The following ZNF107 variants were observed in gnomAD, a reference collection of about 807,000 sequenced individuals.
ZNF107 encodes the protein zinc finger protein 107.
A neutral mutation model predicts 12.3 loss-of-function variants in ZNF107; 19 were observed. That is an observed-to-expected ratio of 1.55 (90% CI 1.08 to 2.27). The LOEUF (loss-of-function observed/expected upper bound fraction) is 2.27, where lower values mean the gene tolerates loss of function less well. ZNF107 is among the 30% of genes most tolerant of loss of function. The pLI is 0.00. For missense variants in ZNF107, 958 were observed against 979.9 expected (o/e 0.98, Z 0.30); for synonymous variants, 317 against 330.5 (o/e 0.96, Z 0.44).
At chr7:64,673,082 T>C (rs61441487) in intron 1 of ZNF107, among the ~76,000 whole-genome samples, 7,151 of 152,266 alleles carry the variant, frequency 0.047, 450 homozygotes, top group African/African-American at 0.14. Context: ...CACACTCTGT[T>C]GCCCAGGCTG....
chr7:64,704,493 C>T lies in ZNF107; in HGVS notation c.227-1831C>T, dbSNP rs551752550. On this transcript the variant is annotated intron_variant, in intron 3 of 3. Coordinates refer to ENST00000620827, the MANE Select transcript of ZNF107 (RefSeq NM_001282359.2). Reference sequence around the variant, plus strand: ...TCTCTTGACCTTGTGATCTGCCCGTCTCAGCCTCCCAAAGTGCTGGGACTA... The same window carrying T: ...TCTCTTGACCTTGTGATCTGCCCGTTTCAGCCTCCCAAAGTGCTGGGACTA... Among the ~76,000 whole-genome samples, 12 of 152,212 alleles carry T rather than the reference C, an allele frequency of 7.9e-5. No homozygotes were observed. The South Asian group carries it at 2.5e-3, about 32-fold the overall frequency.
chr7:64,675,346 A>G (rs769881529), intron 1 of ZNF107, among the ~76,000 whole-genome samples: 1 of 152,156 alleles, frequency 6.6e-6, no homozygotes, highest in Non-Finnish European at 1.5e-5. Flanking sequence ...GTATTTGTTC[A>G]GGAATTTATC....
At chr7:64,699,560 G>A (rs953341945) in intron 3 of ZNF107, among the ~76,000 whole-genome samples, 2 of 152,066 alleles carry the variant, frequency 1.3e-5, no homozygotes, top group Non-Finnish European at 1.5e-5. Flanking sequence ...GAGTAGCTAG[G>A]ACTACAGACA....
chr7:64,698,111 TGTGAG>T (rs977145608), intron 3 of ZNF107, among the ~76,000 whole-genome samples: 50 of 152,318 alleles, frequency 3.3e-4, no homozygotes, highest in African/African-American at 1.1e-3. Flanking sequence ...TTCTAATTGG[TGTGAG>T]GTGATTTTGT....
intron 1 of ZNF107, chr7:64,687,298 C>G (rs935237443): frequency 1.9e-5 from 19 of 985,500 alleles, no homozygotes; most frequent in African/African-American, 8.7e-5. Flanking sequence ...TTCCATGTCA[C>G]CATTACAAAT....
chr7:64,672,037 C>T (rs1361465118), intron 1 of ZNF107, among the ~76,000 whole-genome samples: 2 of 151,986 alleles, frequency 1.3e-5, no homozygotes, highest in African/African-American at 4.8e-5. Context: ...CCACCCGCCT[C>T]GGCCTCCCAA....
chr7:64,667,725 G>A (rs1191764046), intron 1 of ZNF107, among the ~76,000 whole-genome samples: 1 of 152,192 alleles, frequency 6.6e-6, no homozygotes, highest in Non-Finnish European at 1.5e-5. Flanking sequence ...TCTCAAGGGA[G>A]CAGGTGGATG....
At chr7:64,695,912 C>T (rs757192764) in intron 3 of ZNF107, among the ~76,000 whole-genome samples, 17 of 151,966 alleles carry the variant, frequency 1.1e-4, no homozygotes, top group Non-Finnish European at 4.4e-5. Context: ...ATAAAATATA[C>T]AGTTTTAAAT....
Position 64,709,215 on chromosome 7 carries a change from G to A in ZNF107, c.*559G>A. Reference sequence around the variant, plus strand: ...CATACTGGAAAGAAACCCTACAAATGTGAAGTCTGTGGCAAAGCTTTTAAC... The same window carrying A: ...CATACTGGAAAGAAACCCTACAAATATGAAGTCTGTGGCAAAGCTTTTAAC... On this transcript the variant is annotated 3_prime_UTR_variant, in exon 4 of 4. Coordinates refer to ENST00000620827, the MANE Select transcript of ZNF107 (RefSeq NM_001282359.2). The A allele has an allele frequency of 7.3e-6, 3 of 409,290 alleles. No individual in the cohort carries two copies. The highest frequency in any genetic ancestry group is 1.5e-5 in the Non-Finnish European group (3 of 204,948). 25.4% of individuals were successfully genotyped at this position (409,290 alleles called of 1,614,324 possible).
intron 1 of ZNF107, among the ~76,000 whole-genome samples, chr7:64,686,115 A>G (rs1405173565): frequency 1.3e-5 from 2 of 152,084 alleles, no homozygotes; most frequent in African/African-American, 4.8e-5. Flanking sequence ...TAGACCTCCT[A>G]ACCGTCGAAA....
chr7:64,686,781 G>C, intron 1 of ZNF107: 1 of 853,562 alleles, frequency 1.2e-6, no homozygotes, highest in Non-Finnish European at 1.4e-6. Flanking sequence ...TTTTCCACCC[G>C]CCACTTTGCC....
intron 3 of ZNF107, among the ~76,000 whole-genome samples, chr7:64,699,838 G>A (rs1790410114): frequency 6.6e-6 from 1 of 152,088 alleles, no homozygotes; most frequent in Admixed American, 6.6e-5. Context: ...GGAGGCCGAG[G>A]CGGGCGGACC....
intron 1 of ZNF107, among the ~76,000 whole-genome samples, chr7:64,677,655 C>A (rs1789471621): frequency 6.6e-6 from 1 of 151,190 alleles, no homozygotes; most frequent in East Asian, 2.0e-4. Context: ...AGATCGAGAC[C>A]ATCCTGGCTA....
chr7:64,683,312 C>T (rs560664372), intron 1 of ZNF107, among the ~76,000 whole-genome samples: 10 of 152,258 alleles, frequency 6.6e-5, no homozygotes, highest in African/African-American at 2.2e-4. Flanking sequence ...TAAGGCTGCT[C>T]TTCTGCCAGC....
At position 64,666,514 on chromosome 7, in the gene ZNF107, C is replaced by A. The variant is rs1789010836; in HGVS notation, c.3+229C>A. Among the ~76,000 whole-genome samples the A allele has an allele frequency of 3.3e-5, 5 of 152,310 alleles. No homozygotes were observed. The South Asian group carries it at 1.0e-3, about 32-fold the overall frequency. ...GGCTGACAGCCGGGACCCTGGGCGT[C>A]CTGTCTCCTCCCTGCTCAGTGACTG... On this transcript the variant is annotated intron_variant, in intron 1 of 3. Transcript: ENST00000620827.
rs1456564688 is a variant in ZNF107, at chr7:64,710,614, A to T, written c.*1958A>T. Reference sequence around the variant, plus strand: ...AATTTTTTTGTAGATGTATAATTACATTCAAATTATATTTTTTCTTGAAAA... The same window carrying T: ...AATTTTTTTGTAGATGTATAATTACTTTCAAATTATATTTTTTCTTGAAAA... On this transcript the variant is annotated 3_prime_UTR_variant, in exon 4 of 4. Transcript: ENST00000620827. The T allele has an allele frequency of 6.6e-6, 1 of 150,772 alleles. No homozygotes were observed. Among genetic ancestry groups the T allele is most frequent in the South Asian group, 2.1e-4 (1 of 4,776 alleles). The allele number at this position is 150,772 out of a possible 1,614,324, so 9.3% of individuals were successfully genotyped here. A position where few individuals can be genotyped will look rare whatever the true frequency, so the allele number is the denominator to read the frequency against.
chr7:64,693,304 C>A (rs1451840351), intron 3 of ZNF107, among the ~76,000 whole-genome samples: 1 of 150,154 alleles, frequency 6.7e-6, no homozygotes, highest in Non-Finnish European at 1.5e-5. Flanking sequence ...TGAGCCACCA[C>A]GCCTGGCCAG....
rs1388843257 is a variant in ZNF107 at position 64,707,857 on chromosome 7, A to G, written c.1760A>G (p.His587Arg). 2 of 1,613,524 alleles carry G rather than the reference A, an allele frequency of 1.2e-6. No individual in the cohort carries two copies. The highest frequency in any genetic ancestry group is 1.7e-6 in the Non-Finnish European group (2 of 1,179,776). Residue 587 changes from histidine to arginine, a missense_variant, in exon 4 of 4, where the codon CAT becomes CGT. Transcript: ENST00000620827. ...CAACTTACTAGACATAAGATAGTTCATACTAAAGAGAAACTCAACAAATGT... is the reference window on the plus strand; with the variant it reads ...CAACTTACTAGACATAAGATAGTTCGTACTAAAGAGAAACTCAACAAATGT... ...SYQLTRHKIV[H>R]TKEKLNKCEE...
intron 3 of ZNF107, among the ~76,000 whole-genome samples, 173 bp downstream of exon 3, chr7:64,692,133 G>A (rs940314251): frequency 2.6e-5 from 4 of 152,118 alleles, no homozygotes; most frequent in African/African-American, 7.2e-5. Flanking sequence ...TCTGTCTTAT[G>A]CTTTTAAATT....
Sources: gnomAD v4.1 joint callset for allele counts (sites outside exome capture counted in the v4.1 genomes callset) on GRCh38, gnomAD v4.1.1 for gene constraint, MANE v1.5 for transcripts, NCBI Gene and HGNC (gene_info 2026-07-23, HGNC 2026-07-21) for gene names.